The following ARID1B variants were observed in gnomAD, a reference collection of about 807,000 sequenced individuals.
ARID1B encodes the protein AT-rich interaction domain 1B.
ARID1B carries 30 observed loss-of-function variants against 212.3 expected under a neutral mutation model. That is an observed-to-expected ratio of 0.14 (90% confidence interval 0.11 to 0.19). The LOEUF is 0.19. Ranked by LOEUF, ARID1B falls within the 10% of genes least tolerant of loss-of-function variation. ARID1B has a pLI of 1.00. For missense variants in ARID1B, 2,891 were observed against 3,204.0 expected (o/e 0.90, Z 2.36); for synonymous variants, 1,402 against 1,301.7 (o/e 1.08, Z -1.66).
At chr6:157,004,406 G>T (rs1779081092) in intron 4 of ARID1B, among the ~76,000 whole-genome samples, 1 of 152,120 alleles carries the variant, frequency 6.6e-6, no homozygotes, top group African/African-American at 2.4e-5. Flanking sequence ...AAGCCATTTT[G>T]TTCTTCCTGT....
In ARID1B at chr6:157,027,441, T is replaced by A. The variant is rs573346363; in HGVS notation, c.2248-57221T>A. ...ATTTCAGTGTTTTGAAACCCCCATC[T>A]GTTTTGGTAGAAGTATTTTAGGATA... is the stretch of plus-strand genomic sequence containing the variant. On this transcript the variant is annotated intron_variant, in intron 4 of 19. Transcript: ENST00000636930. Among the ~76,000 whole-genome samples the A allele has an allele frequency of 1.5e-4, 23 of 152,340 alleles. No homozygotes were observed. In the East Asian group the frequency reaches 4.4e-3, roughly 29 times the overall value.
intron 4 of ARID1B, among the ~76,000 whole-genome samples, chr6:157,083,931 C>T (rs1194637207): frequency 3.9e-5 from 6 of 151,998 alleles, no homozygotes; most frequent in Admixed American, 2.0e-4. Flanking sequence ...GTCAGGAGTT[C>T]GAGACCAGCC....
At chr6:156,856,314 A>G (rs1784928528) in intron 2 of ARID1B, among the ~76,000 whole-genome samples, 1 of 152,222 alleles carries the variant, frequency 6.6e-6, no homozygotes, top group Non-Finnish European at 1.5e-5. Context: ...TATGCTTTTC[A>G]GGATGCATTG....
chr6:157,085,514 G>A (rs948512094), intron 5 of ARID1B, among the ~76,000 whole-genome samples: 5 of 151,772 alleles, frequency 3.3e-5, no homozygotes, highest in African/African-American at 9.7e-5. Context: ...TTATGTTCTC[G>A]AGGTTATTTA....
At chr6:156,958,623 T>C (rs1208030864) in intron 4 of ARID1B, among the ~76,000 whole-genome samples, 2 of 152,256 alleles carry the variant, frequency 1.3e-5, no homozygotes, top group Non-Finnish European at 2.9e-5. Flanking sequence ...GAAGGGCATT[T>C]AAATGTTGTC....
rs1428462083 is a variant in ARID1B, at chr6:157,129,549, A to C, written c.2582-3479A>C. On this transcript the variant is annotated intron_variant, in intron 6 of 19. Transcript: ENST00000636930. ...AATACAAAGAAAAAAATAGCTTTCA[A>C]GTTGTAATTTCTATGTAAGGAGGTA... 2.0e-5 allele frequency among the ~76,000 whole-genome samples: 3 copies of C among 152,260 alleles called. No individual in the cohort carries two copies. The East Asian group carries it at 5.8e-4, about 29-fold the overall frequency.
Position 157,062,986 on chromosome 6 carries a change from T to C in ARID1B, c.2248-21676T>C, listed in dbSNP as rs557459154. Among the ~76,000 whole-genome samples the C allele has an allele frequency of 1.5e-3, 228 of 152,204 alleles. 2 individuals are homozygous for C. Among genetic ancestry groups the C allele is most frequent in the African/African-American group, 5.3e-3 (218 of 41,518 alleles). ...TCCCAAAGTGCTGGGATTACAGCCG[T>C]GAGCCACCGTGCCCAGCCTAAAATA... is the stretch of plus-strand genomic sequence containing the variant. On this transcript the variant is annotated intron_variant, in intron 4 of 19. Coordinates refer to ENST00000636930, the MANE Select transcript of ARID1B (RefSeq NM_001374828.1).
Position 157,184,332 on chromosome 6 carries a change from G to A in ARID1B, c.3816G>A (p.Leu1272=), listed in dbSNP as rs545017957. 2 of 1,614,062 alleles carry A rather than the reference G, an allele frequency of 1.2e-6. No homozygotes were observed. The highest frequency in any genetic ancestry group is 1.3e-5 in the African/African-American group (1 of 74,910). ...SSLKKQYIQY[L]FAFECKIERG... is the part of the protein sequence containing the mutation. Reference sequence around the variant, plus strand: ...TGAAAAAGCAGTATATTCAGTACCTGTTTGCCTTTGAGTGCAAGATCGAAC... The same window carrying A: ...TGAAAAAGCAGTATATTCAGTACCTATTTGCCTTTGAGTGCAAGATCGAAC... Residue 1272 remains leucine, a synonymous_variant, in exon 13 of 20, where the codon CTG becomes CTA. Transcript: ENST00000636930.
chr6:156,965,756 GA>G (rs1258194878), intron 4 of ARID1B, among the ~76,000 whole-genome samples: 1 of 152,094 alleles, frequency 6.6e-6, no homozygotes, highest in Admixed American at 6.5e-5. Context: ...TGAACAATAA[GA>G]TTTTTTTATT....
intron 2 of ARID1B, among the ~76,000 whole-genome samples, chr6:156,852,935 A>G (rs1450490972): frequency 6.6e-6 from 1 of 152,138 alleles, no homozygotes. Context: ...AGCTTCCCTC[A>G]TGTCTTGGTG....
intron 8 of ARID1B, among the ~76,000 whole-genome samples, chr6:157,157,596 A>G (rs1790657299): frequency 6.6e-6 from 1 of 152,192 alleles, no homozygotes; most frequent in Admixed American, 6.5e-5. Context: ...GGGGTTTGGA[A>G]AGTGTCGTGG....
intron 2 of ARID1B, among the ~76,000 whole-genome samples, chr6:156,847,701 G>A (rs138401590): frequency 2.4e-4 from 36 of 152,294 alleles, no homozygotes; most frequent in African/African-American, 7.7e-4. Flanking sequence ...ATTAACACAC[G>A]TCTGCAGGTA....
At chr6:156,980,302 A>G (rs1301158425) in intron 4 of ARID1B, among the ~76,000 whole-genome samples, 1 of 151,888 alleles carries the variant, frequency 6.6e-6, no homozygotes, top group South Asian at 2.1e-4. Flanking sequence ...GGCCCACACA[A>G]TGAAACCCCA....
At chr6:156,918,958 C>A (rs1338975197) in intron 3 of ARID1B, among the ~76,000 whole-genome samples, 2 of 152,076 alleles carry the variant, frequency 1.3e-5, no homozygotes, top group Non-Finnish European at 2.9e-5. Context: ...GTGTAATTTG[C>A]TGCGTTAACA....
chr6:157,027,406 C>A (rs749914654), intron 4 of ARID1B, among the ~76,000 whole-genome samples: 1 of 152,156 alleles, frequency 6.6e-6, no homozygotes, highest in Non-Finnish European at 1.5e-5. Flanking sequence ...TGTCTTTGGT[C>A]GTAACCACTA....
At chr6:156,844,180 T>G (rs1049655348) in intron 2 of ARID1B, among the ~76,000 whole-genome samples, 2 of 152,224 alleles carry the variant, frequency 1.3e-5, no homozygotes, top group Non-Finnish European at 2.9e-5. Flanking sequence ...TTGTTCTGCT[T>G]TGGTGCTTCG....
At chr6:156,977,108 A>AG in intron 4 of ARID1B, 1 of 274,968 alleles carries the variant, frequency 3.6e-6, no homozygotes, top group Non-Finnish European at 7.0e-6. Flanking sequence ...AAAAAAAAAA[A>AG]GATTTTTCTC....
At chr6:156,819,656 A>G (rs1235413924) in intron 1 of ARID1B, among the ~76,000 whole-genome samples, 1 of 152,204 alleles carries the variant, frequency 6.6e-6, no homozygotes. Context: ...AATGGGTTCA[A>G]TACTTGTTTT....
chr6:157,012,716 T>A (rs546670661), intron 4 of ARID1B, among the ~76,000 whole-genome samples: 1 of 152,230 alleles, frequency 6.6e-6, no homozygotes, highest in Non-Finnish European at 1.5e-5. Context: ...GTTTTCCTCA[T>A]CTATGAAATA....
Sources: allele counts gnomAD v4.1 joint callset (sites outside exome capture counted in the v4.1 genomes callset), GRCh38; gene constraint gnomAD v4.1.1; transcripts MANE v1.5; gene names NCBI Gene and HGNC (gene_info 2026-07-23, HGNC 2026-07-21).